LOC102723971: variants seen among roughly 807,000 people sequenced by gnomAD.
chr9:135,615,073 G>C, the LOC102723971 span, among the ~76,000 whole-genome samples: 1 of 152,192 alleles, frequency 6.6e-6, no homozygotes, highest in African/African-American at 2.4e-5. Context: ...AGACCAGGAA[G>C]GGGGAACGTT....
At chr9:135,616,819 T>C in the LOC102723971 span, 4 of 398,134 alleles carry the variant, frequency 1.0e-5, no homozygotes, top group African/African-American at 2.1e-5. Flanking sequence ...CTTGGTGGCA[T>C]TGCAATGTCC....
chr9:135,617,063 C>T, the LOC102723971 span: 1 of 398,582 alleles, frequency 2.5e-6, no homozygotes, highest in Admixed American at 4.4e-5. Flanking sequence ...GTGCCTCAGA[C>T]CCCAGACATG....
At chr9:135,616,874 G>T in the LOC102723971 span, 1 of 398,682 alleles carries the variant, frequency 2.5e-6, no homozygotes, top group Admixed American at 4.4e-5. Flanking sequence ...GAGGAGAGAG[G>T]CATCGTGCAT....
chr9:135,616,982 G>A, the LOC102723971 span: 3 of 398,670 alleles, frequency 7.5e-6, no homozygotes, highest in Non-Finnish European at 1.3e-5. Flanking sequence ...TGCGCTTTGA[G>A]GATGATGAGA....
chr9:135,614,848 G>C, the LOC102723971 span, among the ~76,000 whole-genome samples: 3 of 152,084 alleles, frequency 2.0e-5, no homozygotes, highest in Non-Finnish European at 4.4e-5. Context: ...GGGACACCCG[G>C]CACAGCACCA....
the LOC102723971 span, among the ~76,000 whole-genome samples, chr9:135,617,545 A>G: frequency 6.6e-6 from 1 of 150,712 alleles, no homozygotes; most frequent in Non-Finnish European, 1.5e-5. Flanking sequence ...GGGGTGGGGG[A>G]GCGGGGCAGC....
the LOC102723971 span, among the ~76,000 whole-genome samples, chr9:135,616,031 G>A: frequency 6.6e-6 from 1 of 152,226 alleles, no homozygotes; most frequent in Non-Finnish European, 1.5e-5. Flanking sequence ...CAGACGCTCA[G>A]TCGTAGACAC....
At chr9:135,618,889 G>A in the LOC102723971 span, 255 of 398,806 alleles carry the variant, frequency 6.4e-4, 2 homozygotes, top group Admixed American at 1.8e-3. Flanking sequence ...AAATGAATGA[G>A]TGAAGTCCTC....
chr9:135,615,127 A>T, the LOC102723971 span, among the ~76,000 whole-genome samples: 3 of 152,170 alleles, frequency 2.0e-5, no homozygotes, highest in Non-Finnish European at 2.9e-5. Flanking sequence ...CCTGCTGACC[A>T]TGCTCAGTGC....
chr9:135,618,945 C>A, the LOC102723971 span: 6 of 399,610 alleles, frequency 1.5e-5, no homozygotes, highest in African/African-American at 1.0e-4. Flanking sequence ...CCATGTCCCC[C>A]ACCCTGAGCC....
chr9:135,614,348 A>C, the LOC102723971 span: 1 of 398,412 alleles, frequency 2.5e-6, no homozygotes, highest in Non-Finnish European at 4.4e-6. Flanking sequence ...CAATGCGCAG[A>C]AGGTACGTGT....
At chr9:135,615,202 C>A in the LOC102723971 span, among the ~76,000 whole-genome samples, 1 of 150,568 alleles carries the variant, frequency 6.6e-6, no homozygotes, top group Non-Finnish European at 1.5e-5. Flanking sequence ...CACTAGCCAG[C>A]CTCTCCTGTC....
chr9:135,614,234 G>A, the LOC102723971 span: 18 of 398,582 alleles, frequency 4.5e-5, no homozygotes, highest in African/African-American at 2.5e-4. Flanking sequence ...CCCCTTCCCC[G>A]GAGCCATGGC....
At chr9:135,618,798 G>A in the LOC102723971 span, 1 of 397,268 alleles carries the variant, frequency 2.5e-6, no homozygotes, top group East Asian at 3.6e-5. Context: ...CAGCCAACAT[G>A]GGGAGGCAGA....
At chr9:135,616,845 G>A in the LOC102723971 span, 6 of 398,508 alleles carry the variant, frequency 1.5e-5, no homozygotes, top group African/African-American at 1.0e-4. Flanking sequence ...GCATGGGGGG[G>A]TCCAGGGCCT....
the LOC102723971 span, chr9:135,614,217 G>A: frequency 2.5e-6 from 1 of 398,572 alleles, no homozygotes; most frequent in South Asian, 1.3e-4. Context: ...GCTGGCTAGG[G>A]ACGCTCCCCC....
the LOC102723971 span, among the ~76,000 whole-genome samples, chr9:135,617,693 C>T: frequency 4.6e-5 from 7 of 152,122 alleles, no homozygotes; most frequent in South Asian, 2.1e-4. Flanking sequence ...TTTTACCTGC[C>T]GTGCTCAGAA....
At chr9:135,614,354 C>T in the LOC102723971 span, 21 of 396,050 alleles carry the variant, frequency 5.3e-5, no homozygotes, top group African/African-American at 1.0e-4. Context: ...GCAGAAGGTA[C>T]GTGTCATGGG....
At chr9:135,616,376 TC>T in the LOC102723971 span, among the ~76,000 whole-genome samples, 2 of 152,152 alleles carry the variant, frequency 1.3e-5, no homozygotes, top group African/African-American at 4.8e-5. Context: ...CATCGCCACC[TC>T]CTGGCTGCAT....
Sources: gnomAD v4.1 joint callset for allele counts (sites outside exome capture counted in the v4.1 genomes callset) on GRCh38, gnomAD v4.1.1 for gene constraint, MANE v1.5 for transcripts.